SLC38A12: variants seen among roughly 807,000 people sequenced by gnomAD.
SLC38A12 encodes the protein solute carrier family 38 member 12.
chr17:74,790,143 C>T, the SLC38A12 span: 1 of 1,406,168 alleles, frequency 7.1e-7, no homozygotes, highest in Non-Finnish European at 1.0e-6. Context: ...TTTTGATGTG[C>T]TCCTTTCTTT....
At chr17:74,827,129 GAC>G in the SLC38A12 span, among the ~76,000 whole-genome samples, 2 of 151,990 alleles carry the variant, frequency 1.3e-5, no homozygotes, top group Non-Finnish European at 1.5e-5. This position sits in a 1 kb window ranked among gnomAD's most constrained non-coding sequence, Gnocchi z 4.7. Context: ...ACTCAGCACT[GAC>G]ACAGTTTTTT....
chr17:74,824,455 C>CCT, the SLC38A12 span, among the ~76,000 whole-genome samples: 5 of 152,154 alleles, frequency 3.3e-5, no homozygotes, highest in African/African-American at 1.2e-4. Flanking sequence ...GCTGCCCCTG[C>CCT]CCCGCCGCAG....
At chr17:74,837,437 T>C in the SLC38A12 span, 1 of 985,554 alleles carries the variant, frequency 1.0e-6, no homozygotes, top group Non-Finnish European at 1.2e-6. Context: ...AAAGGGACCG[T>C]CTGCTGCCCT....
At chr17:74,795,138 GGCGGTA>G in the SLC38A12 span, 2 of 1,601,528 alleles carry the variant, frequency 1.2e-6, no homozygotes, top group Non-Finnish European at 1.7e-6. Flanking sequence ...CCCCCAGGTT[GGCGGTA>G]GCCAAAGGGG....
the SLC38A12 span, among the ~76,000 whole-genome samples, chr17:74,797,420 A>C: frequency 6.6e-6 from 1 of 152,254 alleles, no homozygotes; most frequent in African/African-American, 2.4e-5. Flanking sequence ...CAGAGGCTGC[A>C]GAACAGGAGT....
At chr17:74,819,098 C>G in the SLC38A12 span, among the ~76,000 whole-genome samples, 2 of 152,214 alleles carry the variant, frequency 1.3e-5, no homozygotes, top group Non-Finnish European at 2.9e-5. Context: ...ACTTCTTTGC[C>G]CTGGTTTTCC....
At chr17:74,817,842 A>G in the SLC38A12 span, among the ~76,000 whole-genome samples, 1 of 152,114 alleles carries the variant, frequency 6.6e-6, no homozygotes, top group Admixed American at 6.5e-5. Context: ...CTGACCTCCC[A>G]CATAAGCCAC....
At chr17:74,836,089 C>T in the SLC38A12 span, 3 of 1,613,962 alleles carry the variant, frequency 1.9e-6, no homozygotes, top group Non-Finnish European at 2.5e-6. The surrounding 1 kb of genome is among the most constrained non-coding windows in gnomAD (Gnocchi z 4.2). Flanking sequence ...ACCCCCGTCT[C>T]CTCCAAGCGC....
chr17:74,791,880 C>G, the SLC38A12 span, among the ~76,000 whole-genome samples: 1 of 152,228 alleles, frequency 6.6e-6, no homozygotes, highest in African/African-American at 2.4e-5. Context: ...GGCACGGTGG[C>G]TAACTCCTGT....
chr17:74,783,721 C>CTTTTTTTTTTTTTTT, the SLC38A12 span, among the ~76,000 whole-genome samples: 1 of 104,010 alleles, frequency 9.6e-6, no homozygotes, highest in East Asian at 2.6e-4. Flanking sequence ...CATGCTTTTT[C>CTTTTTTTTTTTTTTT]TTTTTTTTTT....
the SLC38A12 span, chr17:74,819,713 G>A: frequency 3.9e-5 from 62 of 1,589,692 alleles, no homozygotes; most frequent in East Asian, 2.0e-4. Context: ...CTGCTGGTGC[G>A]GCCTGCACCC....
At chr17:74,783,182 A>G in the SLC38A12 span, among the ~76,000 whole-genome samples, 4 of 152,074 alleles carry the variant, frequency 2.6e-5, no homozygotes, top group Admixed American at 2.6e-4. Flanking sequence ...GATGGTGAAG[A>G]CTCTCAGACT....
chr17:74,815,471 G>A, the SLC38A12 span, among the ~76,000 whole-genome samples: 5 of 152,216 alleles, frequency 3.3e-5, no homozygotes, highest in South Asian at 2.1e-4. Context: ...CCAGCTAAAT[G>A]TGCAGAGAAA....
At chr17:74,828,484 C>T in the SLC38A12 span, among the ~76,000 whole-genome samples, 5 of 152,228 alleles carry the variant, frequency 3.3e-5, no homozygotes, top group Non-Finnish European at 7.3e-5. Context: ...CTCCTCATCC[C>T]TTCCAGGCCC....
the SLC38A12 span, among the ~76,000 whole-genome samples, chr17:74,818,639 C>T: frequency 6.6e-6 from 1 of 152,192 alleles, no homozygotes; most frequent in Admixed American, 6.5e-5. Context: ...AGGCCAGAGC[C>T]CGACTCCCCA....
chr17:74,820,894 C>A, the SLC38A12 span, among the ~76,000 whole-genome samples: 3 of 152,344 alleles, frequency 2.0e-5, no homozygotes, highest in Admixed American at 2.0e-4. Flanking sequence ...TGACTTCCAG[C>A]AGCTTGACAT....
the SLC38A12 span, among the ~76,000 whole-genome samples, chr17:74,799,082 C>T: frequency 3.9e-5 from 6 of 152,204 alleles, no homozygotes; most frequent in African/African-American, 1.4e-4. Context: ...TTCCTTATTC[C>T]TGCATCACCT....
chr17:74,817,898 G>A, the SLC38A12 span, among the ~76,000 whole-genome samples: 3 of 152,086 alleles, frequency 2.0e-5, no homozygotes, highest in African/African-American at 7.2e-5. Flanking sequence ...TAATTTCAGC[G>A]GGAAGTCAGA....
chr17:74,835,132 TGGGGCCACA>T, the SLC38A12 span, among the ~76,000 whole-genome samples: 1 of 152,222 alleles, frequency 6.6e-6, no homozygotes, highest in Non-Finnish European at 1.5e-5. Context: ...TCTGAACAGA[TGGGGCCACA>T]GGCCCCCTTC....
Sources: gnomAD v4.1 joint callset for allele counts (sites outside exome capture counted in the v4.1 genomes callset) on GRCh38, gnomAD v4.1.1 for gene constraint, Gnocchi (gnomAD v3.1) non-coding constraint, MANE v1.5 for transcripts, NCBI Gene and HGNC (gene_info 2026-07-23, HGNC 2026-07-21) for gene names.